Variants in NUCB2 observed in about 807,000 individuals in gnomAD.
The protein encoded by NUCB2 is nucleobindin-2.
Under a neutral mutation model 57.9 loss-of-function variants are expected in NUCB2, and 48 were observed. The ratio of observed to expected loss-of-function variants is 0.83; its 90% CI spans 0.66 to 1.05. The LOEUF (loss-of-function observed/expected upper bound fraction) is 1.05. Among genes scored for constraint, NUCB2 ranks in the 50% least tolerant of loss-of-function variants. The pLI, the probability that NUCB2 is intolerant of heterozygous loss-of-function variation, is 0.00. For missense variants in NUCB2, 442 were observed against 476.2 expected (o/e 0.93, Z 0.67); for synonymous variants, 139 against 152.1 (o/e 0.91, Z 0.64).
At chr11:17,315,512 A>G (rs375967228) in intron 11 of NUCB2, 37 bp downstream of exon 11, 144 of 1,178,124 alleles carry the variant, frequency 1.2e-4, no homozygotes, top group Non-Finnish European at 1.7e-4. Flanking sequence ...GTATGGTTCA[A>G]CAAATTCTAC....
chr11:17,297,008 A>G (rs1012366736), intron 4 of NUCB2, among the ~76,000 whole-genome samples: 1 of 152,202 alleles, frequency 6.6e-6, no homozygotes, highest in Non-Finnish European at 1.5e-5. Context: ...AATTCCAGCC[A>G]TAGTCAGCTC....
chr11:17,315,544 C>A, intron 11 of NUCB2, 69 bp downstream of exon 11: 1 of 857,058 alleles, frequency 1.2e-6, no homozygotes, highest in Non-Finnish European at 1.9e-6. Context: ...CTACTTTTAA[C>A]TTTTATTCCC....
intron 5 of NUCB2, among the ~76,000 whole-genome samples, chr11:17,307,424 T>C (rs1371246814): frequency 6.6e-6 from 1 of 152,196 alleles, no homozygotes; most frequent in Non-Finnish European, 1.5e-5. Flanking sequence ...CCTCCCAAAG[T>C]GCTGGGATTA....
chr11:17,279,943 C>T (rs578077077), intron 1 of NUCB2, among the ~76,000 whole-genome samples: 1 of 152,162 alleles, frequency 6.6e-6, no homozygotes, highest in South Asian at 2.1e-4. Flanking sequence ...GAGCATGCCA[C>T]CACACCCTGC....
At chr11:17,306,152 A>G (rs1947604046) in intron 5 of NUCB2, among the ~76,000 whole-genome samples, 1 of 152,188 alleles carries the variant, frequency 6.6e-6, no homozygotes, top group Non-Finnish European at 1.5e-5. Context: ...AGATTTAGCC[A>G]GTGGAAGATC....
At chr11:17,312,241 TG>T in intron 10 of NUCB2, 121 bp downstream of exon 10, 1 of 643,272 alleles carries the variant, frequency 1.6e-6, no homozygotes, top group Non-Finnish European at 2.6e-6. Context: ...TTTTTGTTTT[TG>T]TTTTTTTTTT....
At chr11:17,334,885 C>CAA (rs375093514), downstream of NUCB2, among the ~76,000 whole-genome samples, 460 of 121,860 alleles carry the variant, frequency 3.8e-3, 3 homozygotes, top group South Asian at 0.011. Flanking sequence ...GGCTCTATCT[C>CAA]AAAAAAAAAA....
chr11:17,328,894 T>C (rs889116565), intron 11 of NUCB2, among the ~76,000 whole-genome samples: 1 of 152,070 alleles, frequency 6.6e-6, no homozygotes, highest in South Asian at 2.1e-4. Flanking sequence ...CCACTACAGC[T>C]GGGAATGTGC....
intron 4 of NUCB2, among the ~76,000 whole-genome samples, chr11:17,299,485 TA>T (rs1295191056): frequency 6.6e-6 from 1 of 152,178 alleles, no homozygotes; most frequent in Non-Finnish European, 1.5e-5. Context: ...AAAAGAGACC[TA>T]AAAAAGATAA....
intron 5 of NUCB2, among the ~76,000 whole-genome samples, chr11:17,302,187 C>G (rs971003771): frequency 1.3e-5 from 2 of 152,120 alleles, no homozygotes; most frequent in African/African-American, 4.8e-5. Flanking sequence ...GCTGGCGGGC[C>G]TGGCTAGAAA....
intron 10 of NUCB2, among the ~76,000 whole-genome samples, chr11:17,314,686 A>C (rs2139031664): frequency 6.6e-6 from 1 of 152,274 alleles, no homozygotes; most frequent in South Asian, 2.1e-4. Flanking sequence ...TTTAAGCCAA[A>C]AACTCTGATA....
At chr11:17,348,885 T>G (rs933557991) in intron 2 of NUCB2, among the ~76,000 whole-genome samples, 11 of 152,060 alleles carry the variant, frequency 7.2e-5, no homozygotes, top group African/African-American at 2.7e-4. Context: ...GTTCAAGTGA[T>G]TCTCCTGCTT....
chr11:17,342,525 T>A (rs1219660513), intron 2 of NUCB2, among the ~76,000 whole-genome samples: 5 of 151,522 alleles, frequency 3.3e-5, no homozygotes, highest in African/African-American at 1.2e-4. Context: ...TTTGTTCTTG[T>A]TGGTTTCAAA....
rs185349354 is a variant in NUCB2, at chr11:17,324,887, C to T, written c.1003-5240C>T. ...CGCGATCTTGGCTCACTGCAACCTC[C>T]GCCTCCTGGGTTCAAGCGATTCTCC... On this transcript the variant is annotated intron_variant, in intron 11 of 13. Transcript: ENST00000529010. 1.1e-3 allele frequency among the ~76,000 whole-genome samples: 162 copies of T among 152,038 alleles called. 2 individuals carry two copies. In the East Asian group the frequency reaches 0.026, roughly 25 times the overall value.
intron 2 of NUCB2, among the ~76,000 whole-genome samples, chr11:17,285,968 A>ACAC (rs1429724835): frequency 1.4e-5 from 2 of 142,856 alleles, no homozygotes; most frequent in East Asian, 5.7e-4. Flanking sequence ...CACACACACA[A>ACAC]AGCAAACTTA....
At chr11:17,296,367 G>A (rs1945824042) in intron 4 of NUCB2, among the ~76,000 whole-genome samples, 156 bp downstream of exon 4, 1 of 152,144 alleles carries the variant, frequency 6.6e-6, no homozygotes, top group Non-Finnish European at 1.5e-5. Context: ...ACAGGTGCGT[G>A]CCACCATGCT....
chr11:17,326,310 C>CA (rs1950661242), intron 11 of NUCB2, among the ~76,000 whole-genome samples: 2 of 92,928 alleles, frequency 2.2e-5, no homozygotes, highest in Admixed American at 2.7e-4. Context: ...TCATTGTTAC[C>CA]GTTTTTTTTT....
At chr11:17,347,348 A>G (rs4433545) in intron 2 of NUCB2, among the ~76,000 whole-genome samples, 120,200 of 152,130 alleles carry the variant, frequency 0.79, 47,788 homozygotes, top group East Asian at 0.88. Flanking sequence ...AGACAGGTTT[A>G]CCCTAAGCAG....
chr11:17,342,152 C>T (rs372365759), intron 2 of NUCB2, among the ~76,000 whole-genome samples: 5 of 152,092 alleles, frequency 3.3e-5, no homozygotes, highest in African/African-American at 4.8e-5. Flanking sequence ...TCTGTGGGAT[C>T]GGTGATGATA....
Sources: allele counts gnomAD v4.1 joint callset (sites outside exome capture counted in the v4.1 genomes callset), GRCh38; gene constraint gnomAD v4.1.1; transcripts MANE v1.5; gene names NCBI Gene and HGNC (gene_info 2026-07-23, HGNC 2026-07-21).